Variants in ELAPOR2 observed in about 807,000 individuals in gnomAD.
ELAPOR2 encodes endosome/lysosome-associated apoptosis and autophagy regulator family member 2.
In ELAPOR2, 89 loss-of-function variants were observed where a neutral mutation model predicts 120.7. The ratio of observed to expected loss-of-function variants is 0.74; its 90% confidence interval spans 0.62 to 0.88. The LOEUF (loss-of-function observed/expected upper bound fraction) is 0.88. Ranked by LOEUF, ELAPOR2 falls within the 40% of genes least tolerant of loss-of-function variation. The pLI, the probability that ELAPOR2 is intolerant of heterozygous loss-of-function variation, is 0.00. For missense variants in ELAPOR2, 1,134 were observed against 1,251.6 expected (o/e 0.91, Z 1.42); for synonymous variants, 444 against 444.9 (o/e 1.00, Z 0.03).
In ELAPOR2 at chr7:87,007,615, T is replaced by C. The variant is rs149451278; in HGVS notation, c.190-42591A>G. Among the ~76,000 whole-genome samples the C allele has an allele frequency of 5.3e-3, 808 of 152,292 alleles. 10 individuals carry two copies. Among genetic ancestry groups the C allele is most frequent in the African/African-American group, 0.019 (772 of 41,560 alleles). ...TGGTTCCCAGATGTCAGTTTCTAAA[T>C]ATCATCTTTGGTTCAAGGAATCAGG... is the stretch of plus-strand genomic sequence containing the variant. On this transcript the variant is annotated intron_variant, in intron 1 of 21. Transcript: ENST00000450689.
chr7:86,910,254 C>T (rs922811111), intron 15 of ELAPOR2, among the ~76,000 whole-genome samples: 1 of 152,106 alleles, frequency 6.6e-6, no homozygotes. Flanking sequence ...CTGCTCTTCC[C>T]AGTACAAGCA....
chr7:86,939,328 A>G (rs1790704269), intron 6 of ELAPOR2, among the ~76,000 whole-genome samples: 1 of 152,054 alleles, frequency 6.6e-6, no homozygotes, highest in South Asian at 2.1e-4. Flanking sequence ...CTGCTTATTA[A>G]GTCACAGGTA....
intron 16 of ELAPOR2, among the ~76,000 whole-genome samples, chr7:86,909,503 ATTTTG>A (rs1167669406): frequency 6.6e-6 from 1 of 152,066 alleles, no homozygotes; most frequent in Non-Finnish European, 1.5e-5. Context: ...TACTATTCCT[ATTTTG>A]TTTTTAGTTT....
rs982404381 is a variant in ELAPOR2, at chr7:86,909,807, C to G, written c.2359+5G>C. Reference sequence around the variant, plus strand: ...GCATGCATATATGAACCAAAGGAAGCTTACCTATGAATGTATCTGCCAGAA... The same window carrying G: ...GCATGCATATATGAACCAAAGGAAGGTTACCTATGAATGTATCTGCCAGAA... On this transcript the variant is annotated splice_donor_5th_base_variant and intron_variant, in intron 16 of 21. Coordinates refer to ENST00000450689, the MANE Select transcript of ELAPOR2 (RefSeq NM_001142749.3). 2 of 1,600,122 alleles carry G rather than the reference C, an allele frequency of 1.2e-6. No homozygotes were observed. The highest frequency in any genetic ancestry group is 3.4e-5 in the Admixed American group (2 of 58,208).
intron 5 of ELAPOR2, 93 bp downstream of exon 5, chr7:86,941,925 G>A (rs1790812276): frequency 1.5e-6 from 1 of 676,426 alleles, no homozygotes. Context: ...AAAACGTTAT[G>A]AAAGGAAGGG....
At chr7:86,920,238 A>G (rs1010959960) in intron 10 of ELAPOR2, among the ~76,000 whole-genome samples, 12 of 152,168 alleles carry the variant, frequency 7.9e-5, no homozygotes, top group Non-Finnish European at 1.8e-4. Flanking sequence ...GTACTAATCT[A>G]CATACTTATA....
chr7:87,029,193 C>G (rs1294619124), intron 1 of ELAPOR2, among the ~76,000 whole-genome samples: 5 of 152,130 alleles, frequency 3.3e-5, no homozygotes, highest in Non-Finnish European at 2.9e-5. Flanking sequence ...TTTTTGTTCT[C>G]TGATGTGTTC....
intron 2 of ELAPOR2, among the ~76,000 whole-genome samples, chr7:86,953,181 A>AT (rs1791338026): frequency 1.0e-5 from 1 of 98,090 alleles, no homozygotes; most frequent in African/African-American, 9.1e-5. Flanking sequence ...CTGCCAGTGG[A>AT]TTACATCCTT....
intron 15 of ELAPOR2, among the ~76,000 whole-genome samples, chr7:86,910,586 T>A (rs1247938511): frequency 6.6e-6 from 1 of 152,118 alleles, no homozygotes; most frequent in Non-Finnish European, 1.5e-5. Context: ...TTCAACTGTA[T>A]AACAAGTTAA....
At chr7:86,974,784 A>G (rs1283649947) in intron 1 of ELAPOR2, among the ~76,000 whole-genome samples, 2 of 149,916 alleles carry the variant, frequency 1.3e-5, no homozygotes, top group South Asian at 2.1e-4. Context: ...GCCAAGACAT[A>G]AAAAAAAATT....
At position 87,059,441 on chromosome 7, in the gene ELAPOR2, G is replaced by A; in HGVS notation, c.73C>T (p.Arg25Cys). The change falls in exon 1 of 22, where the codon CGC becomes TGC. Residue 25 changes from arginine (R) to cysteine (C), a missense_variant. Coordinates refer to ENST00000450689, the MANE Select transcript of ELAPOR2 (RefSeq NM_001142749.3). ...GRPAEAPRRG[R>C]SPPWSPAWIC... ...CAGGCGGGGCTCCAGGGCGGCGAGC[G>A]CCCGCGGCGGGGAGCCTCCGCCGGC... 2 of 1,230,352 alleles carry A rather than the reference G, an allele frequency of 1.6e-6. No individual in the cohort carries two copies. Among genetic ancestry groups the A allele is most frequent in the Admixed American group, 4.3e-5 (1 of 23,412 alleles). The allele number at this position is 1,230,352 out of a possible 1,614,324, so 76.2% of individuals were successfully genotyped here. A position where few individuals can be genotyped will look rare whatever the true frequency, so the allele number is the denominator to read the frequency against.
chr7:87,002,180 A>C (rs1283899735), intron 1 of ELAPOR2, among the ~76,000 whole-genome samples: 1 of 152,154 alleles, frequency 6.6e-6, no homozygotes, highest in Non-Finnish European at 1.5e-5. Flanking sequence ...CCTTCAGTTT[A>C]AATTATAGCC....
At chr7:87,024,730 G>A (rs1298869635) in intron 1 of ELAPOR2, among the ~76,000 whole-genome samples, 4 of 151,534 alleles carry the variant, frequency 2.6e-5, no homozygotes, top group East Asian at 1.9e-4. Flanking sequence ...AATTATCACC[G>A]ATCCCACAGA....
intron 5 of ELAPOR2, 21 bp from the exon 6 acceptor site, chr7:86,940,136 G>T: frequency 6.7e-7 from 1 of 1,489,226 alleles, no homozygotes; most frequent in Non-Finnish European, 9.3e-7. Context: ...AAACATAAAG[G>T]CACTTAGGGC....
chr7:86,894,506 C>T (rs1417634978), intron 19 of ELAPOR2, among the ~76,000 whole-genome samples: 2 of 151,956 alleles, frequency 1.3e-5, no homozygotes, highest in Non-Finnish European at 2.9e-5. Context: ...ACAGCAAGCT[C>T]TACTGTCTGA....
chr7:86,891,988 C>T (rs1788185680), intron 20 of ELAPOR2, 99 bp from the exon 21 acceptor site: 3 of 782,948 alleles, frequency 3.8e-6, no homozygotes, highest in South Asian at 4.5e-5. Context: ...ATTAAATTGA[C>T]TTGGAGTATA....
intron 1 of ELAPOR2, among the ~76,000 whole-genome samples, chr7:87,040,367 C>T (rs1323025775): frequency 6.6e-6 from 1 of 152,204 alleles, no homozygotes; most frequent in Non-Finnish European, 1.5e-5. Flanking sequence ...ACTTAAATGT[C>T]CCTGTCTGAC....
At chr7:87,022,621 A>G (rs1315815887) in intron 1 of ELAPOR2, among the ~76,000 whole-genome samples, 1 of 151,974 alleles carries the variant, frequency 6.6e-6, no homozygotes, top group Non-Finnish European at 1.5e-5. Flanking sequence ...GTCAAATGGT[A>G]TTTCTAGTTC....
At chr7:86,985,064 C>CA (rs200404960) in intron 1 of ELAPOR2, among the ~76,000 whole-genome samples, 1,646 of 152,182 alleles carry the variant, frequency 0.011, 24 homozygotes, top group African/African-American at 0.03. Context: ...CACCTGTACA[C>CA]AAAAAAACTA....
Sources: allele counts gnomAD v4.1 joint callset (sites outside exome capture counted in the v4.1 genomes callset), GRCh38; gene constraint gnomAD v4.1.1; transcripts MANE v1.5; gene names NCBI Gene and HGNC (gene_info 2026-07-23, HGNC 2026-07-21).